The following RBFOX1 variants were observed in gnomAD, a reference collection of about 807,000 sequenced individuals.
The protein encoded by RBFOX1 is RNA binding protein fox-1 homolog 1.
A neutral mutation model predicts 57.7 loss-of-function variants in RBFOX1; 8 were observed. That is an observed-to-expected ratio of 0.14 (90% CI 0.08 to 0.25). RBFOX1 has a LOEUF of 0.25. Among genes scored for constraint, RBFOX1 ranks in the 10% least tolerant of loss-of-function variants. The probability of loss-of-function intolerance (pLI) is 1.00; values close to 1 mark genes in which losing one functional copy is unlikely to be tolerated. For synonymous variants in RBFOX1, 326 were observed against 222.4 expected (o/e 1.47, Z -4.15); for missense variants, 611 against 548.5 (o/e 1.11, Z -1.14).
chr16:5,970,294 G>C (rs1465434345), intron 4 of RBFOX1, among the ~76,000 whole-genome samples: 1 of 151,884 alleles, frequency 6.6e-6, no homozygotes, highest in Non-Finnish European at 1.5e-5. Context: ...TTTATGTAGG[G>C]ATTTTGGAAG....
At chr16:7,148,104 AG>A (rs2075385481) in intron 4 of RBFOX1, among the ~76,000 whole-genome samples, 1 of 152,216 alleles carries the variant, frequency 6.6e-6, no homozygotes, top group African/African-American at 2.4e-5. Flanking sequence ...GCCAATCTCT[AG>A]GAAGTGACGC....
At chr16:6,185,647 GAATAT>G (rs1439329570) in intron 1 of RBFOX1, among the ~76,000 whole-genome samples, 2 of 152,162 alleles carry the variant, frequency 1.3e-5, no homozygotes, top group African/African-American at 4.8e-5. Flanking sequence ...TAGCTAAATA[GAATAT>G]AATATTTCAC....
intron 11 of RBFOX1, among the ~76,000 whole-genome samples, chr16:7,641,199 T>C (rs1267985585): frequency 6.6e-6 from 1 of 152,200 alleles, no homozygotes; most frequent in African/African-American, 2.4e-5. Context: ...GATAGAAATG[T>C]GTCCAACCAT....
At chr16:6,613,402 G>A (rs1005258229) in intron 2 of RBFOX1, among the ~76,000 whole-genome samples, 1 of 152,030 alleles carries the variant, frequency 6.6e-6, no homozygotes, top group Admixed American at 6.6e-5. Context: ...CAAAGCGGGG[G>A]AATGATTTCT....
At chr16:5,839,927 T>A (rs551588427) in intron 3 of RBFOX1, among the ~76,000 whole-genome samples, 11 of 152,216 alleles carry the variant, frequency 7.2e-5, no homozygotes, top group South Asian at 2.1e-4. Flanking sequence ...ACAGAGAAAC[T>A]AAGGTAGACA....
rs76496031 is a variant in RBFOX1, at chr16:5,892,590, A to C, written c.351+25255A>C. Among the ~76,000 whole-genome samples, 1,258 of 152,234 alleles carry C rather than the reference A, an allele frequency of 8.3e-3. 19 individuals carry two copies. The highest frequency in any genetic ancestry group is 0.029 in the African/African-American group (1,189 of 41,538). ...AGAAGTAAGCAGAGAGGCAATAACC[A>C]CTTTTTTTGTGAAACAGTGAATGGT... On this transcript the variant is annotated intron_variant, in intron 4 of 19. Coordinates refer to the RBFOX1 transcript ENST00000641259.
Position 6,779,749 on chromosome 16 carries a change from ATAC to A in RBFOX1, c.-16+125101_-16+125103del, listed in dbSNP as rs1372957337. Among the ~76,000 whole-genome samples, 6 of 31,984 alleles carry A rather than the reference ATAC, an allele frequency of 1.9e-4. 1 individual carries two copies. The highest frequency in any genetic ancestry group is 2.1e-4 in the African/African-American group (2 of 9,552). The allele number at this position is 31,984 out of a possible 152,430, so 21.0% of individuals were successfully genotyped here. Reference sequence around the variant, plus strand: ...TATATATTTTTATATATTTTTATATATACTTTTATATATTTATATATATATTTA... The same window carrying A: ...TATATATTTTTATATATTTTTATATATTTTATATATTTATATATATATTTA... On this transcript the variant is annotated intron_variant, in intron 3 of 15. Transcript: ENST00000550418.
chr16:6,619,687 C>CTTTTTTTTTTTTTT, intron 2 of RBFOX1, among the ~76,000 whole-genome samples: 1 of 117,948 alleles, frequency 8.5e-6, no homozygotes, highest in African/African-American at 3.2e-5. Flanking sequence ...TGTTGGTTTC[C>CTTTTTTTTTTTTTT]TTTTTTTTTT....
intron 4 of RBFOX1, among the ~76,000 whole-genome samples, chr16:7,209,059 C>T (rs904444333): frequency 1.3e-5 from 2 of 151,778 alleles, no homozygotes; most frequent in African/African-American, 2.4e-5. Context: ...CTTTGGGAGG[C>T]CGAGGTGGTC....
At chr16:5,537,119 T>G (rs2044732641) in intron 2 of RBFOX1, among the ~76,000 whole-genome samples, 1 of 152,224 alleles carries the variant, frequency 6.6e-6, no homozygotes, top group African/African-American at 2.4e-5. Flanking sequence ...TCATGTTGAT[T>G]TAGGTATTCC....
intron 3 of RBFOX1, among the ~76,000 whole-genome samples, chr16:6,865,790 G>C (rs1046730855): frequency 6.6e-6 from 1 of 152,048 alleles, no homozygotes; most frequent in Admixed American, 6.6e-5. Flanking sequence ...TTTGTAAGCA[G>C]TATTAGATAA....
At chr16:7,544,101 G>A (rs1466940862) in intron 5 of RBFOX1, among the ~76,000 whole-genome samples, 3 of 152,212 alleles carry the variant, frequency 2.0e-5, no homozygotes, top group South Asian at 4.1e-4. Flanking sequence ...ATTCTATGGA[G>A]AGGGGGAATA....
At chr16:6,290,532 T>G (rs148566644) in intron 1 of RBFOX1, among the ~76,000 whole-genome samples, 51 of 152,350 alleles carry the variant, frequency 3.3e-4, no homozygotes, top group African/African-American at 1.2e-3. Context: ...ATAGCAGTGA[T>G]GTCCGTGTGA....
At chr16:6,099,338 C>G (rs1256191980) in intron 1 of RBFOX1, among the ~76,000 whole-genome samples, 4 of 152,150 alleles carry the variant, frequency 2.6e-5, no homozygotes, top group East Asian at 3.9e-4. Flanking sequence ...TATGAGAACA[C>G]AAACTACACC....
At chr16:5,895,381 C>T (rs2058140350) in intron 4 of RBFOX1, among the ~76,000 whole-genome samples, 1 of 152,162 alleles carries the variant, frequency 6.6e-6, no homozygotes, top group African/African-American at 2.4e-5. Context: ...CTAAGATGAG[C>T]TTCTGGAAGT....
chr16:7,574,563 A>T (rs2093134720), intron 5 of RBFOX1, among the ~76,000 whole-genome samples: 1 of 152,180 alleles, frequency 6.6e-6, no homozygotes, highest in African/African-American at 2.4e-5. Flanking sequence ...AGCATCCAGC[A>T]TGGGGGAGAG....
intron 3 of RBFOX1, among the ~76,000 whole-genome samples, chr16:6,941,296 C>CCTTCCT (rs1567990398): frequency 3.6e-4 from 23 of 64,684 alleles, no homozygotes; most frequent in South Asian, 2.2e-3. Flanking sequence ...CCTTCCCTCC[C>CCTTCCT]TCCCTCCTTC....
intron 2 of RBFOX1, among the ~76,000 whole-genome samples, chr16:6,390,007 T>G (rs1005951286): frequency 6.6e-6 from 1 of 152,142 alleles, no homozygotes; most frequent in African/African-American, 2.4e-5. Flanking sequence ...GAAACTGTGT[T>G]TGGGCTAAAT....
intron 2 of RBFOX1, among the ~76,000 whole-genome samples, chr16:5,525,038 C>T (rs990587742): frequency 2.6e-5 from 4 of 152,178 alleles, no homozygotes; most frequent in Non-Finnish European, 4.4e-5. Context: ...CCCAACACAA[C>T]TTAACATTCA....
Sources: allele counts gnomAD v4.1 joint callset (sites outside exome capture counted in the v4.1 genomes callset), GRCh38; gene constraint gnomAD v4.1.1; transcripts MANE v1.5; gene names NCBI Gene and HGNC (gene_info 2026-07-23, HGNC 2026-07-21).